The following FSTL5 variants were observed in gnomAD, a reference collection of about 807,000 sequenced individuals.
FSTL5 encodes follistatin like 5.
In FSTL5, 62 loss-of-function variants were observed where a neutral mutation model predicts 89.1. That is an observed-to-expected ratio of 0.70 (90% CI 0.57 to 0.86). The LOEUF is 0.86. Among genes scored for constraint, FSTL5 ranks in the 40% least tolerant of loss-of-function variants. The pLI is 0.00. For missense variants in FSTL5, 1,057 were observed against 1,001.6 expected, an observed-to-expected ratio of 1.06 and a Z score of -0.75; for synonymous variants, 383 against 346.2, an observed-to-expected ratio of 1.11 and a Z score of -1.18.
At chr4:161,715,806 T>C (rs1219788176) in intron 6 of FSTL5, among the ~76,000 whole-genome samples, 1 of 152,214 alleles carries the variant, frequency 6.6e-6, no homozygotes, top group Non-Finnish European at 1.5e-5. Context: ...TTGATTTTCC[T>C]TTCTTACTTA....
chr4:161,636,266 T>C (rs1735694326), intron 7 of FSTL5, among the ~76,000 whole-genome samples: 1 of 152,126 alleles, frequency 6.6e-6, no homozygotes. Flanking sequence ...TAAAAATCTA[T>C]GAAACTGTTT....
At chr4:161,690,013 G>A (rs1257433874) in intron 6 of FSTL5, among the ~76,000 whole-genome samples, 1 of 152,072 alleles carries the variant, frequency 6.6e-6, no homozygotes, top group Admixed American at 6.5e-5. Flanking sequence ...GTTCCACTCT[G>A]CGTATATACC....
At chr4:161,825,832 G>T (rs1319402926) in intron 4 of FSTL5, among the ~76,000 whole-genome samples, 3 of 151,918 alleles carry the variant, frequency 2.0e-5, no homozygotes, top group Non-Finnish European at 4.4e-5. Context: ...TCTTTTAAAA[G>T]AGCCAGCTTT....
intron 15 of FSTL5, among the ~76,000 whole-genome samples, chr4:161,409,801 T>A (rs1315655632): frequency 6.6e-6 from 1 of 152,156 alleles, no homozygotes; most frequent in African/African-American, 2.4e-5. Context: ...ATAGTCACTA[T>A]AAAGCAACTA....
intron 7 of FSTL5, among the ~76,000 whole-genome samples, chr4:161,638,050 T>A (rs1735790757): frequency 6.6e-6 from 1 of 151,868 alleles, no homozygotes; most frequent in East Asian, 1.9e-4. Flanking sequence ...TAAATTACCT[T>A]GGGCAGTATG....
chr4:161,710,743 G>A (rs1212018691), intron 6 of FSTL5, among the ~76,000 whole-genome samples: 3 of 152,282 alleles, frequency 2.0e-5, no homozygotes, highest in Non-Finnish European at 2.9e-5. Flanking sequence ...AGAATGCAAT[G>A]CTTCTATCTT....
chr4:161,434,377 C>G (rs116438511), intron 15 of FSTL5, among the ~76,000 whole-genome samples: 4 of 151,952 alleles, frequency 2.6e-5, no homozygotes, highest in Non-Finnish European at 4.4e-5. Context: ...AAATTAGACC[C>G]CCATCTCTTG....
intron 3 of FSTL5, among the ~76,000 whole-genome samples, chr4:161,935,826 TATGAGAAATGCACAGA>T (rs1433662768): frequency 1.3e-5 from 2 of 152,188 alleles, no homozygotes; most frequent in East Asian, 1.9e-4. Context: ...CAAATCATTT[TATGAGAAATGCACAGA>T]ATGAGAAAGC....
At chr4:162,014,456 T>C (rs1736858432) in intron 3 of FSTL5, among the ~76,000 whole-genome samples, 1 of 151,878 alleles carries the variant, frequency 6.6e-6, no homozygotes, top group South Asian at 2.1e-4. Context: ...ACTTAGCTTG[T>C]ATTCAGAGAT....
At chr4:161,587,206 G>C (rs1323762807) in intron 8 of FSTL5, among the ~76,000 whole-genome samples, 3 of 151,254 alleles carry the variant, frequency 2.0e-5, no homozygotes, top group Non-Finnish European at 4.4e-5. Context: ...AATTTCTTGT[G>C]TTCTAATTTT....
intron 6 of FSTL5, among the ~76,000 whole-genome samples, chr4:161,712,900 T>C (rs9998543): frequency 0.77 from 117,469 of 152,020 alleles, 45,503 homozygotes; most frequent in South Asian, 0.84. Flanking sequence ...CCTTCCACCA[T>C]GATTGTAAGC....
At chr4:161,470,993 A>T (rs1038189374) in intron 13 of FSTL5, among the ~76,000 whole-genome samples, 3 of 152,188 alleles carry the variant, frequency 2.0e-5, no homozygotes, top group Admixed American at 6.5e-5. Context: ...CGTAATTTTT[A>T]GGGTTTTCTA....
intron 15 of FSTL5, among the ~76,000 whole-genome samples, chr4:161,400,222 C>T (rs902651725): frequency 6.6e-6 from 1 of 151,844 alleles, no homozygotes; most frequent in African/African-American, 2.4e-5. Flanking sequence ...TGCATTTTGT[C>T]TTGTTTGGTT....
intron 1 of FSTL5, among the ~76,000 whole-genome samples, chr4:162,146,519 T>G (rs79999742): frequency 0.048 from 7,382 of 152,224 alleles, 362 homozygotes; most frequent in African/African-American, 0.12. Flanking sequence ...ATATCAGTTA[T>G]CATATACCCA....
chr4:161,838,527 G>A (rs979871315), intron 4 of FSTL5, among the ~76,000 whole-genome samples: 15 of 151,980 alleles, frequency 9.9e-5, no homozygotes, highest in Non-Finnish European at 1.5e-4. Context: ...CTCGTGATCC[G>A]CCTACCTCAG....
intron 3 of FSTL5, among the ~76,000 whole-genome samples, chr4:162,011,219 G>A (rs539962335): frequency 1.8e-4 from 27 of 152,184 alleles, no homozygotes; most frequent in African/African-American, 6.0e-4. Context: ...TTTTTCTGCT[G>A]AGTCATTGCT....
At chr4:161,669,400 A>G (rs554132095) in intron 6 of FSTL5, among the ~76,000 whole-genome samples, 1 of 152,258 alleles carries the variant, frequency 6.6e-6, no homozygotes, top group South Asian at 2.1e-4. Flanking sequence ...AGTTGCTACA[A>G]AGCTACAATA....
chr4:161,500,493 A>T (rs1730257080), intron 11 of FSTL5, among the ~76,000 whole-genome samples: 1 of 152,160 alleles, frequency 6.6e-6, no homozygotes, highest in Admixed American at 6.6e-5. Flanking sequence ...CTTTCTGAAG[A>T]ATCAAATTTG....
chr4:162,035,303 G>A (rs1167911373), intron 2 of FSTL5: 1 of 152,080 alleles, frequency 6.6e-6, no homozygotes, highest in Non-Finnish European at 1.5e-5. Context: ...ATTCAGAAAA[G>A]ATATGCTACA....
Sources: allele counts gnomAD v4.1 joint callset (sites outside exome capture counted in the v4.1 genomes callset), GRCh38; gene constraint gnomAD v4.1.1; transcripts MANE v1.5; gene names NCBI Gene and HGNC (gene_info 2026-07-23, HGNC 2026-07-21).